The following LRMDA variants were observed in gnomAD, a reference collection of about 807,000 sequenced individuals.
The protein encoded by LRMDA is leucine rich melanocyte differentiation associated.
Under a neutral mutation model 29.8 loss-of-function variants are expected in LRMDA, and 18 were observed. The observed-to-expected ratio is 0.60, with a 90% CI of 0.42 to 0.90. The LOEUF is 0.90. Among genes scored for constraint, LRMDA ranks in the 40% least tolerant of loss-of-function variants. The probability of loss-of-function intolerance (pLI) is 0.00; values close to 1 mark genes in which losing one functional copy is unlikely to be tolerated. For synonymous variants in LRMDA, 125 were observed against 109.4 expected, an observed-to-expected ratio of 1.14 and a Z score of -0.89; for missense variants, 273 against 273.9, an observed-to-expected ratio of 1.00 and a Z score of 0.02.
intron 5 of LRMDA, among the ~76,000 whole-genome samples, chr10:76,322,887 A>C (rs538112793): frequency 1.3e-5 from 2 of 152,194 alleles, no homozygotes; most frequent in Non-Finnish European, 2.9e-5. Context: ...TATTTAGGAC[A>C]CTATCCTCAT....
intron 6 of LRMDA, among the ~76,000 whole-genome samples, chr10:76,419,876 A>C (rs1262191460): frequency 6.6e-6 from 1 of 152,112 alleles, no homozygotes. Context: ...TAAACATTAA[A>C]GCAACTTGCA....
intron 2 of LRMDA, among the ~76,000 whole-genome samples, chr10:75,458,474 G>A (rs1186866354): frequency 1.3e-5 from 2 of 152,164 alleles, no homozygotes; most frequent in East Asian, 3.8e-4. Context: ...GGAAGAGGGA[G>A]GAAGCAGAAT....
intron 6 of LRMDA, among the ~76,000 whole-genome samples, chr10:76,427,311 T>C (rs1203446406): frequency 3.9e-5 from 6 of 152,028 alleles, no homozygotes; most frequent in East Asian, 1.9e-4. Flanking sequence ...CTTGAAGAGG[T>C]CCTTCACATC....
intron 6 of LRMDA, among the ~76,000 whole-genome samples, chr10:76,418,413 T>C (rs1842040593): frequency 6.6e-6 from 1 of 151,928 alleles, no homozygotes; most frequent in Non-Finnish European, 1.5e-5. Flanking sequence ...ATATGATTTT[T>C]CAAAATAGTA....
intron 2 of LRMDA, among the ~76,000 whole-genome samples, chr10:75,458,641 T>C (rs957432480): frequency 6.6e-6 from 1 of 152,192 alleles, no homozygotes; most frequent in African/African-American, 2.4e-5. Flanking sequence ...TAGTTGTACC[T>C]CTGAGCTCAG....
At chr10:75,962,747 A>G (rs1211682574) in intron 2 of LRMDA, among the ~76,000 whole-genome samples, 1 of 152,240 alleles carries the variant, frequency 6.6e-6, no homozygotes, top group Non-Finnish European at 1.5e-5. Flanking sequence ...CCAGAAAAAT[A>G]CATTCACTCA....
At chr10:76,334,435 T>C (rs1407533405) in intron 6 of LRMDA, among the ~76,000 whole-genome samples, 2 of 152,252 alleles carry the variant, frequency 1.3e-5, no homozygotes, top group African/African-American at 4.8e-5. Context: ...TGGCCAGAAA[T>C]GGTAAAATCA....
At chr10:75,764,444 T>C (rs1843135319) in intron 2 of LRMDA, among the ~76,000 whole-genome samples, 1 of 152,204 alleles carries the variant, frequency 6.6e-6, no homozygotes, top group Admixed American at 6.5e-5. Flanking sequence ...GCCCCCAGTT[T>C]AGATTCTCGT....
intron 6 of LRMDA, among the ~76,000 whole-genome samples, chr10:76,459,939 G>T (rs986821822): frequency 6.6e-6 from 1 of 152,140 alleles, no homozygotes; most frequent in African/African-American, 2.4e-5. Flanking sequence ...GTGCTCACTG[G>T]GTGATGAGCC....
At chr10:75,604,866 A>C (rs1840936220) in intron 2 of LRMDA, among the ~76,000 whole-genome samples, 1 of 152,190 alleles carries the variant, frequency 6.6e-6, no homozygotes, top group Non-Finnish European at 1.5e-5. Context: ...TTTCTTTCAA[A>C]AGAATACATA....
intron 5 of LRMDA, among the ~76,000 whole-genome samples, chr10:76,204,186 TACCCATCTCTATTCCATGTGCCTGTCC>T (rs1564684694): frequency 1.3e-4 from 16 of 126,994 alleles, no homozygotes; most frequent in Non-Finnish European, 2.3e-4. Flanking sequence ...TGTGCCCATC[TACCCATCTCTATTCCATGTGCCTGTCC>T]ACCCATCTCT....
intron 5 of LRMDA, among the ~76,000 whole-genome samples, chr10:76,287,902 C>T (rs1252530281): frequency 1.3e-5 from 2 of 152,228 alleles, no homozygotes; most frequent in East Asian, 1.9e-4. Context: ...ATTCATTTTG[C>T]ATTAGAGAAA....
intron 3 of LRMDA, among the ~76,000 whole-genome samples, chr10:76,036,817 C>T (rs1298023206): frequency 1.3e-5 from 2 of 152,104 alleles, no homozygotes; most frequent in African/African-American, 2.4e-5. Context: ...AAACAGGGAA[C>T]CCTTGCTGCA....
At chr10:76,556,650 G>A (rs4636600) in intron 6 of LRMDA, among the ~76,000 whole-genome samples, 12 of 152,176 alleles carry the variant, frequency 7.9e-5, no homozygotes, top group East Asian at 7.7e-4. Flanking sequence ...ACCACGCCCG[G>A]CCATTCATAT....
chr10:75,725,159 A>G (rs1292928028), intron 2 of LRMDA, among the ~76,000 whole-genome samples: 1 of 152,228 alleles, frequency 6.6e-6, no homozygotes. Flanking sequence ...TAGAATTTTT[A>G]TATTTTCACC....
intron 2 of LRMDA, among the ~76,000 whole-genome samples, chr10:75,618,777 CTTTTTT>C (rs35897683): frequency 8.7e-6 from 1 of 114,348 alleles, no homozygotes; most frequent in Non-Finnish European, 1.8e-5. Context: ...ATTATTTACT[CTTTTTT>C]TTTTTTTTTT....
intron 2 of LRMDA, among the ~76,000 whole-genome samples, chr10:75,980,414 C>A (rs1304683118): frequency 6.6e-6 from 1 of 152,126 alleles, no homozygotes; most frequent in Admixed American, 6.5e-5. Flanking sequence ...CTACCAGGGG[C>A]CCTTCGGATA....
chr10:76,475,969 C>T (rs148560347), intron 6 of LRMDA, among the ~76,000 whole-genome samples: 2 of 152,002 alleles, frequency 1.3e-5, no homozygotes, highest in Non-Finnish European at 2.9e-5. Context: ...AAGTGACACC[C>T]TAACATCACA....
chr10:76,333,998 A>G (rs10762713), intron 6 of LRMDA, among the ~76,000 whole-genome samples: 22,542 of 152,082 alleles, frequency 0.15, 2,892 homozygotes, highest in African/African-American at 0.34. Context: ...CATGAACTCT[A>G]ATCTGGCCTG....
Sources: gnomAD v4.1 joint callset for allele counts (sites outside exome capture counted in the v4.1 genomes callset) on GRCh38, gnomAD v4.1.1 for gene constraint, MANE v1.5 for transcripts, NCBI Gene and HGNC (gene_info 2026-07-23, HGNC 2026-07-21) for gene names.